The following CSTPP1 variants were observed in gnomAD, a reference collection of about 807,000 sequenced individuals.
The protein encoded by CSTPP1 is centriolar satellite-associated tubulin polyglutamylase complex regulator 1.
the CSTPP1 span, among the ~76,000 whole-genome samples, chr11:47,124,879 G>A: frequency 2.6e-5 from 4 of 152,078 alleles, no homozygotes; most frequent in Admixed American, 6.5e-5. Flanking sequence ...CTATTGTGTC[G>A]TTTCCCAGGA....
the CSTPP1 span, among the ~76,000 whole-genome samples, chr11:47,121,850 T>C: frequency 3.7e-4 from 56 of 151,624 alleles, no homozygotes; most frequent in African/African-American, 1.3e-3. Context: ...TTTGGGAGGA[T>C]TGCATGAGCC....
the CSTPP1 span, among the ~76,000 whole-genome samples, chr11:47,152,754 G>A: frequency 1.3e-5 from 2 of 152,222 alleles, no homozygotes; most frequent in African/African-American, 2.4e-5. Context: ...GCAAGTGGAA[G>A]TTGCTGCTAT....
At chr11:46,955,050 A>T in the CSTPP1 span, among the ~76,000 whole-genome samples, 9 of 152,188 alleles carry the variant, frequency 5.9e-5, no homozygotes, top group African/African-American at 2.2e-4. Context: ...ACAGACAGGT[A>T]CAGGCTTTCC....
chr11:46,973,155 T>C, the CSTPP1 span, among the ~76,000 whole-genome samples: 1 of 152,194 alleles, frequency 6.6e-6, no homozygotes, highest in South Asian at 2.1e-4. Context: ...TTACCCTGTT[T>C]AAAACACAGT....
the CSTPP1 span, among the ~76,000 whole-genome samples, chr11:47,038,674 G>A: frequency 2.4e-5 from 3 of 122,656 alleles, 1 homozygote; most frequent in Non-Finnish European, 5.9e-5. Context: ...CTGGCCGGGC[G>A]GGGGGCTGAC....
At chr11:47,016,808 C>T in the CSTPP1 span, among the ~76,000 whole-genome samples, 729 of 150,682 alleles carry the variant, frequency 4.8e-3, 6 homozygotes, top group African/African-American at 0.017. Flanking sequence ...TAAAAACTTA[C>T]CAAATTATAT....
the CSTPP1 span, among the ~76,000 whole-genome samples, chr11:47,121,806 C>T: frequency 6.6e-6 from 1 of 151,652 alleles, no homozygotes; most frequent in Non-Finnish European, 1.5e-5. Context: ...GAAAAATGGC[C>T]CAGCACGATG....
At chr11:47,160,902 C>T in the CSTPP1 span, 1 of 582,730 alleles carries the variant, frequency 1.7e-6, no homozygotes, top group East Asian at 3.0e-5. Flanking sequence ...GGTGTCTGCC[C>T]CAGGCAGGGA....
chr11:46,977,336 TTC>T, the CSTPP1 span, among the ~76,000 whole-genome samples: 1 of 152,214 alleles, frequency 6.6e-6, no homozygotes, highest in Non-Finnish European at 1.5e-5. Flanking sequence ...TTTGATTTGC[TTC>T]TGTTATTTGC....
At chr11:47,130,957 A>G in the CSTPP1 span, among the ~76,000 whole-genome samples, 1 of 152,192 alleles carries the variant, frequency 6.6e-6, no homozygotes, top group Non-Finnish European at 1.5e-5. Context: ...TATTGAGATC[A>G]TGCAGCCAAC....
At chr11:46,941,946 A>G in the CSTPP1 span, among the ~76,000 whole-genome samples, 4 of 152,202 alleles carry the variant, frequency 2.6e-5, no homozygotes, top group South Asian at 8.3e-4. Flanking sequence ...TACCTATCCA[A>G]AGAATATCTA....
chr11:47,016,352 G>C, the CSTPP1 span, among the ~76,000 whole-genome samples: 2 of 141,434 alleles, frequency 1.4e-5, no homozygotes, highest in African/African-American at 5.3e-5. Flanking sequence ...TGTTCACATA[G>C]GACATGATTG....
chr11:47,088,108 C>T, the CSTPP1 span, among the ~76,000 whole-genome samples: 5 of 152,146 alleles, frequency 3.3e-5, no homozygotes, highest in Non-Finnish European at 7.3e-5. Context: ...CATTCTGTCG[C>T]TTTTGTTTTA....
chr11:47,110,888 ATCT>A, the CSTPP1 span, among the ~76,000 whole-genome samples: 2 of 101,218 alleles, frequency 2.0e-5, no homozygotes, highest in Admixed American at 1.0e-4. Context: ...AAGAGAACAC[ATCT>A]TTTTTTTTTT....
At chr11:47,100,493 A>G in the CSTPP1 span, among the ~76,000 whole-genome samples, 10 of 152,326 alleles carry the variant, frequency 6.6e-5, no homozygotes, top group East Asian at 3.9e-4. Context: ...CAAATTTGTT[A>G]GCAATAATGT....
the CSTPP1 span, among the ~76,000 whole-genome samples, chr11:46,955,168 T>C: frequency 4.6e-5 from 7 of 152,186 alleles, no homozygotes; most frequent in African/African-American, 1.7e-4. Context: ...GTGGCCACTT[T>C]GACATAAGTT....
At chr11:46,957,587 A>G in the CSTPP1 span, among the ~76,000 whole-genome samples, 9 of 152,214 alleles carry the variant, frequency 5.9e-5, 1 homozygote, top group East Asian at 1.7e-3. Context: ...GATTTGTGAT[A>G]TTTCATGTAG....
the CSTPP1 span, among the ~76,000 whole-genome samples, chr11:46,997,899 G>GT: frequency 6.6e-6 from 1 of 152,196 alleles, no homozygotes; most frequent in Admixed American, 6.5e-5. Context: ...AGCAAATGTA[G>GT]TTGCCTGATC....
the CSTPP1 span, among the ~76,000 whole-genome samples, chr11:47,032,457 T>A: frequency 6.6e-6 from 1 of 152,202 alleles, no homozygotes; most frequent in Non-Finnish European, 1.5e-5. Context: ...GAGTTGACTT[T>A]ACAATTAATA....
Sources: allele counts gnomAD v4.1 joint callset (sites outside exome capture counted in the v4.1 genomes callset), GRCh38; gene constraint gnomAD v4.1.1; transcripts MANE v1.5; gene names NCBI Gene and HGNC (gene_info 2026-07-23, HGNC 2026-07-21).